The following GRID1 variants were observed in gnomAD, a reference collection of about 807,000 sequenced individuals.
The protein encoded by GRID1 is glutamate receptor ionotropic, delta-1.
GRID1 carries 28 observed loss-of-function variants against 98.0 expected under a neutral mutation model. The ratio of observed to expected loss-of-function variants is 0.29; its 90% confidence interval spans 0.21 to 0.39. The LOEUF is 0.39. GRID1 is among the 10% of genes least tolerant of loss of function. The probability of loss-of-function intolerance (pLI) is 1.00; values close to 1 mark genes in which losing one functional copy is unlikely to be tolerated. For missense variants in GRID1, 1,111 were observed against 1,340.5 expected, an observed-to-expected ratio of 0.83 and a Z score of 2.67; for synonymous variants, 553 against 538.5, an observed-to-expected ratio of 1.03 and a Z score of -0.37.
At chr10:85,638,309 T>C (rs925929582) in intron 13 of GRID1, among the ~76,000 whole-genome samples, 1 of 152,190 alleles carries the variant, frequency 6.6e-6, no homozygotes, top group Non-Finnish European at 1.5e-5. Flanking sequence ...GTAATAACGA[T>C]CAAAATCTCA....
At chr10:85,861,884 G>A (rs975477816) in intron 6 of GRID1, among the ~76,000 whole-genome samples, 3 of 152,234 alleles carry the variant, frequency 2.0e-5, no homozygotes, top group Non-Finnish European at 4.4e-5. Flanking sequence ...CATTTTGGGG[G>A]TGGAGTTCAG....
intron 4 of GRID1, among the ~76,000 whole-genome samples, chr10:86,033,935 C>T (rs1252786062): frequency 3.3e-5 from 5 of 152,206 alleles, no homozygotes; most frequent in Non-Finnish European, 2.9e-5. Flanking sequence ...CCCCATTGAC[C>T]CTGGGGCTGC....
chr10:85,696,807 A>C (rs1013215965), intron 12 of GRID1, among the ~76,000 whole-genome samples: 4 of 152,134 alleles, frequency 2.6e-5, no homozygotes, highest in Middle Eastern at 3.4e-3. Context: ...TCCTTTAAGC[A>C]CTATTTTAGC....
At chr10:86,359,438 G>A (rs1342611139) in intron 2 of GRID1, among the ~76,000 whole-genome samples, 1 of 152,152 alleles carries the variant, frequency 6.6e-6, no homozygotes, top group East Asian at 1.9e-4. Context: ...GATATAAACT[G>A]AGCAAGGCCT....
At chr10:86,354,375 G>A (rs769746394) in intron 2 of GRID1, among the ~76,000 whole-genome samples, 8 of 152,204 alleles carry the variant, frequency 5.3e-5, no homozygotes, top group Non-Finnish European at 1.0e-4. Flanking sequence ...CATGGTGGCC[G>A]GGACACAACA....
intron 4 of GRID1, among the ~76,000 whole-genome samples, chr10:86,016,099 A>T (rs1842976255): frequency 6.6e-6 from 1 of 151,944 alleles, no homozygotes; most frequent in Non-Finnish European, 1.5e-5. Context: ...GTAGGAAGTA[A>T]ACAAGAGGCT....
intron 4 of GRID1, among the ~76,000 whole-genome samples, chr10:85,950,962 C>T (rs944049285): frequency 3.3e-5 from 5 of 152,242 alleles, no homozygotes; most frequent in East Asian, 1.9e-4. Flanking sequence ...ATGTGGGAGA[C>T]GTCTGGAGTT....
chr10:86,112,691 G>C (rs570580278), intron 4 of GRID1, among the ~76,000 whole-genome samples: 1 of 152,112 alleles, frequency 6.6e-6, no homozygotes, highest in Non-Finnish European at 1.5e-5. Context: ...AATGAGGACG[G>C]GCCTTCTCCA....
At chr10:86,146,073 A>G (rs1845085677) in intron 3 of GRID1, among the ~76,000 whole-genome samples, 1 of 152,152 alleles carries the variant, frequency 6.6e-6, no homozygotes, top group African/African-American at 2.4e-5. Flanking sequence ...TTGAAGCGAA[A>G]GAAGACATTT....
At chr10:85,668,462 G>A (rs747346410) in intron 12 of GRID1, among the ~76,000 whole-genome samples, 4 of 152,214 alleles carry the variant, frequency 2.6e-5, no homozygotes, top group Non-Finnish European at 4.4e-5. Context: ...TTTTCTTAGT[G>A]TGTGGAGCCA....
chr10:86,317,624 T>A (rs1847917389), intron 2 of GRID1, among the ~76,000 whole-genome samples: 1 of 152,104 alleles, frequency 6.6e-6, no homozygotes, highest in African/African-American at 2.4e-5. Flanking sequence ...CTACACTCGA[T>A]TCTCTCAGCC....
intron 4 of GRID1, among the ~76,000 whole-genome samples, chr10:85,925,675 C>T (rs1417897934): frequency 6.6e-6 from 1 of 152,236 alleles, no homozygotes; most frequent in Non-Finnish European, 1.5e-5. Flanking sequence ...GACCACAGCA[C>T]CAGATACTGC....
intron 4 of GRID1, among the ~76,000 whole-genome samples, chr10:86,126,470 AAAAAG>A: frequency 6.6e-6 from 1 of 151,914 alleles, no homozygotes; most frequent in Non-Finnish European, 1.5e-5. Flanking sequence ...CAAAAAAAAG[AAAAAG>A]AAAAGAAATA....
rs1472389569 is a variant in GRID1 at position 85,745,628 on chromosome 10, C to T, written c.1234-16014G>A. On this transcript the variant is annotated intron_variant, in intron 8 of 15. Coordinates refer to ENST00000327946, the MANE Select transcript of GRID1 (RefSeq NM_017551.3). The stretch of plus-strand genomic sequence containing the variant: ...GGGAGATATACCTAATGCTAGATGA[C>T]ACGTTAGTGGGTGCAGCGCACCAGC... Among the ~76,000 whole-genome samples, 3 of 134,456 alleles carry T rather than the reference C, an allele frequency of 2.2e-5. No individual in the cohort carries two copies. In the Admixed American group the frequency reaches 2.2e-4, roughly 10 times the overall value. The allele number at this position is 134,456 out of a possible 152,430, so 88.2% of individuals were successfully genotyped here.
chr10:86,092,997 A>T (rs1023785497), intron 4 of GRID1, among the ~76,000 whole-genome samples: 5 of 152,230 alleles, frequency 3.3e-5, no homozygotes, highest in Non-Finnish European at 4.4e-5. Context: ...ATGAGTCTCA[A>T]TAAATTTAAG....
intron 2 of GRID1, among the ~76,000 whole-genome samples, chr10:86,256,844 G>A (rs904759121): frequency 6.6e-6 from 1 of 152,138 alleles, no homozygotes; most frequent in African/African-American, 2.4e-5. Context: ...TTCAGCCACC[G>A]GGAAGCATCA....
intron 4 of GRID1, among the ~76,000 whole-genome samples, chr10:85,985,421 C>T (rs1029400624): frequency 3.3e-5 from 5 of 152,212 alleles, no homozygotes; most frequent in Non-Finnish European, 5.9e-5. Flanking sequence ...TAGCAGGTGA[C>T]ACCTGAATTT....
At chr10:85,805,991 C>CT (rs1207414475) in intron 8 of GRID1, among the ~76,000 whole-genome samples, 3 of 149,018 alleles carry the variant, frequency 2.0e-5, no homozygotes, top group South Asian at 2.1e-4. Flanking sequence ...AACTATCATG[C>CT]TTTAAAAAAA....
intron 2 of GRID1, among the ~76,000 whole-genome samples, chr10:86,263,389 C>T (rs1311709440): frequency 6.6e-6 from 1 of 152,212 alleles, no homozygotes; most frequent in Non-Finnish European, 1.5e-5. Flanking sequence ...GGGGAGGATC[C>T]CGCCTCTCCC....
Sources: allele counts gnomAD v4.1 joint callset (sites outside exome capture counted in the v4.1 genomes callset), GRCh38; gene constraint gnomAD v4.1.1; transcripts MANE v1.5; gene names NCBI Gene and HGNC (gene_info 2026-07-23, HGNC 2026-07-21).